The following SPC25 variants were observed in gnomAD, a reference collection of about 807,000 sequenced individuals.
The protein encoded by SPC25 is SPC25 component of NDC80 kinetochore complex.
In SPC25, 22 loss-of-function variants were observed where a neutral mutation model predicts 29.6. That is an observed-to-expected ratio of 0.74 (90% confidence interval 0.53 to 1.06). The LOEUF (loss-of-function observed/expected upper bound fraction) is 1.06. Among genes scored for constraint, SPC25 ranks in the 50% least tolerant of loss-of-function variants. SPC25 has a pLI of 0.00. For missense variants in SPC25, 230 were observed against 255.8 expected, an observed-to-expected ratio of 0.90 and a Z score of 0.69; for synonymous variants, 91 against 90.4, an observed-to-expected ratio of 1.01 and a Z score of -0.04.
chr2:168,876,220 C>T, intron 4 of SPC25, 44 bp from the exon 5 acceptor site: 1 of 1,271,014 alleles, frequency 7.9e-7, no homozygotes, highest in Non-Finnish European at 1.1e-6. Context: ...TAAATAATAG[C>T]AAATTAATGC....
intron 4 of SPC25, chr2:168,864,996 C>A: frequency 6.2e-7 from 1 of 1,612,000 alleles, no homozygotes; most frequent in South Asian, 1.1e-5. Context: ...ATACTACCTT[C>A]ACACTCGGTA....
chr2:168,879,244 AATG>A (rs1244534648), intron 3 of SPC25, among the ~76,000 whole-genome samples: 2 of 152,222 alleles, frequency 1.3e-5, no homozygotes, highest in African/African-American at 2.4e-5. Context: ...TGCAGCATAC[AATG>A]ATGTTTGACA....
chr2:168,867,991 T>C (rs7370278), downstream of SPC25, among the ~76,000 whole-genome samples: 121,241 of 150,524 alleles, frequency 0.81, 48,585 homozygotes, highest in East Asian at 0.91. Flanking sequence ...GAACAGAAAT[T>C]ATAACAAACT....
downstream of SPC25, among the ~76,000 whole-genome samples, chr2:168,867,586 C>T (rs530750587): frequency 2.3e-4 from 35 of 152,384 alleles, no homozygotes; most frequent in East Asian, 5.4e-3. Flanking sequence ...GATTGCAATC[C>T]TAGTCTCGAA....
chr2:168,882,448 T>C lies in SPC25; in HGVS notation c.200-5064A>G, dbSNP rs1690193259. On this transcript the variant is annotated intron_variant, in intron 3 of 6. Coordinates refer to ENST00000282074, the MANE Select transcript of SPC25 (RefSeq NM_020675.4). The stretch of plus-strand genomic sequence containing the variant: ...GGTGAAACCTCGTCTCTGCTAAAAA[T>C]ACAAAAATGAGCTGGGCGTGGTGGC... Among the ~76,000 whole-genome samples the C allele has an allele frequency of 2.6e-5, 4 of 152,104 alleles. No homozygotes were observed. In the South Asian group the frequency reaches 8.3e-4, roughly 32 times the overall value.
rs1279639757 is a variant in SPC25, at chr2:168,886,606, G to A, written c.199+2620C>T. 3.3e-5 allele frequency among the ~76,000 whole-genome samples: 5 copies of A among 150,592 alleles called. No individual in the cohort carries two copies. In the East Asian group the frequency reaches 7.9e-4, roughly 24 times the overall value. On this transcript the variant is annotated intron_variant, in intron 3 of 6. Transcript: ENST00000282074. The stretch of plus-strand genomic sequence containing the variant: ...GCGATCTGGGCTCACTGCAAGCTCC[G>A]CCTCCCAGGTTCACGCCATTCTCCT...
chr2:168,875,327 C>T (rs1690066431), intron 5 of SPC25, among the ~76,000 whole-genome samples: 1 of 152,128 alleles, frequency 6.6e-6, no homozygotes, highest in Non-Finnish European at 1.5e-5. Context: ...ATGCATTTAA[C>T]ACCCTGATAA....
In SPC25 at chr2:168,879,148, A is replaced by C. The variant is rs117646340; in HGVS notation, c.200-1764T>G. Among the ~76,000 whole-genome samples, 862 of 152,256 alleles carry C rather than the reference A, an allele frequency of 5.7e-3. 10 individuals carry two copies. Among genetic ancestry groups the C allele is most frequent in the East Asian group, 0.054 (278 of 5,192 alleles). Reference sequence around the variant, plus strand: ...TGACTGATCAGAGTGGTAGCTGCTGAAGGTTGGGGTGGCTGTGGCAATTTA... The same window carrying C: ...TGACTGATCAGAGTGGTAGCTGCTGCAGGTTGGGGTGGCTGTGGCAATTTA... On this transcript the variant is annotated intron_variant, in intron 3 of 6. Coordinates refer to ENST00000282074, the MANE Select transcript of SPC25 (RefSeq NM_020675.4).
chr2:168,887,292 C>G (rs1472000258), intron 3 of SPC25, among the ~76,000 whole-genome samples: 1 of 151,734 alleles, frequency 6.6e-6, no homozygotes, highest in Non-Finnish European at 1.5e-5. Flanking sequence ...CGTGGTGGTG[C>G]GCACCTGTAG....
At chr2:168,890,206 G>T in intron 1 of SPC25, 112 bp downstream of exon 1, 1 of 500,938 alleles carries the variant, frequency 2.0e-6, no homozygotes, top group Non-Finnish European at 2.6e-6. Context: ...ACAGCAACAA[G>T]ATGCGCATTT....
At chr2:168,865,566 C>A (rs1324708105) in intron 4 of SPC25, 1 of 152,660 alleles carries the variant, frequency 6.6e-6, no homozygotes, top group South Asian at 2.1e-4. Flanking sequence ...TGGCACAAGA[C>A]AGGAATGTCC....
At chr2:168,863,899 C>A (rs1259878591) in intron 4 of SPC25, among the ~76,000 whole-genome samples, 4 of 151,924 alleles carry the variant, frequency 2.6e-5, no homozygotes, top group African/African-American at 9.7e-5. Context: ...GATATATGAT[C>A]CAACGTGATC....
chr2:168,889,704 A>C (rs1690357614), intron 1 of SPC25, among the ~76,000 whole-genome samples, 171 bp from the exon 2 acceptor site: 1 of 152,200 alleles, frequency 6.6e-6, no homozygotes, highest in Admixed American at 6.5e-5. Context: ...AACTGTTGTT[A>C]ACGTGCAGCA....
chr2:168,883,218 A>G (rs2105832453), intron 3 of SPC25, among the ~76,000 whole-genome samples: 1 of 152,082 alleles, frequency 6.6e-6, no homozygotes, highest in Non-Finnish European at 1.5e-5. Context: ...TCAAAGTTGA[A>G]AAAAAAAGAT....
intron 4 of SPC25, chr2:168,863,785 C>CA (rs1689648046): frequency 2.8e-6 from 1 of 361,150 alleles, no homozygotes; most frequent in Non-Finnish European, 3.9e-6. Context: ...GCCAAACAAT[C>CA]AAAAACACCA....
At position 168,882,099 on chromosome 2, in the gene SPC25, C is replaced by T. The variant is rs141616568; in HGVS notation, c.200-4715G>A. ...ATATATGAAGAGATATTTTATGCTT[C>T]TAAATATTATAAAAGATATGCCAAA... On this transcript the variant is annotated intron_variant, in intron 3 of 6. Coordinates refer to ENST00000282074, the MANE Select transcript of SPC25 (RefSeq NM_020675.4). 4.7e-4 allele frequency among the ~76,000 whole-genome samples: 72 copies of T among 152,266 alleles called. 2 individuals carry two copies. In the East Asian group the frequency reaches 0.014, roughly 29 times the overall value.
At chr2:168,866,054 A>G (rs571549679), downstream of SPC25, among the ~76,000 whole-genome samples, 1 of 152,416 alleles carries the variant, frequency 6.6e-6, no homozygotes, top group Non-Finnish European at 1.5e-5. Flanking sequence ...TGCCCAAGGT[A>G]ATTTATAGAT....
chr2:168,864,067 A>G (rs1689679606), intron 4 of SPC25, among the ~76,000 whole-genome samples: 1 of 151,568 alleles, frequency 6.6e-6, no homozygotes, highest in Non-Finnish European at 1.5e-5. Flanking sequence ...TCCTGGATTC[A>G]AGTGATTCTC....
intron 3 of SPC25, among the ~76,000 whole-genome samples, chr2:168,880,972 T>C: frequency 6.6e-6 from 1 of 152,228 alleles, no homozygotes; most frequent in East Asian, 1.9e-4. Flanking sequence ...TTTGAAATCT[T>C]GTGAGAATTA....
Sources: allele counts gnomAD v4.1 joint callset (sites outside exome capture counted in the v4.1 genomes callset), GRCh38; gene constraint gnomAD v4.1.1; transcripts MANE v1.5; gene names NCBI Gene and HGNC (gene_info 2026-07-23, HGNC 2026-07-21).